The following BEST3 variants were observed in gnomAD, a reference collection of about 807,000 sequenced individuals.
The protein encoded by BEST3 is bestrophin 3.
Under a neutral mutation model 47.1 loss-of-function variants are expected in BEST3, and 50 were observed. The observed-to-expected ratio is 1.06, with a 90% CI of 0.85 to 1.34. The LOEUF is 1.34. Among genes scored for constraint, BEST3 ranks in the 40% most tolerant of loss-of-function variants. The pLI, the probability that BEST3 is intolerant of heterozygous loss-of-function variation, is 0.00. For synonymous variants in BEST3, 282 were observed against 298.8 expected, an observed-to-expected ratio of 0.94 and a Z score of 0.58; for missense variants, 765 against 817.0, an observed-to-expected ratio of 0.94 and a Z score of 0.78.
intron 4 of BEST3, among the ~76,000 whole-genome samples, chr12:69,686,126 T>C (rs1885564748): frequency 6.9e-6 from 1 of 145,350 alleles, no homozygotes; most frequent in Admixed American, 7.0e-5. Context: ...CTCACTCTTG[T>C]AACACAAGGC....
intron 9 of BEST3, among the ~76,000 whole-genome samples, chr12:69,657,929 A>G (rs1259080373): frequency 6.6e-6 from 1 of 152,136 alleles, no homozygotes; most frequent in Non-Finnish European, 1.5e-5. Context: ...AGATTCTATT[A>G]CATCGACTTG....
chr12:69,654,599 T>C lies in BEST3; in HGVS notation c.*308A>G, dbSNP rs188706095. 2.8e-6 allele frequency: 3 copies of C among 1,081,820 alleles called. No homozygotes were observed. The East Asian group carries it at 1.8e-4, about 65-fold the overall frequency. The allele number at this position is 1,081,820 out of a possible 1,614,324, so 67.0% of individuals were successfully genotyped here. On this transcript the variant is annotated 3_prime_UTR_variant, in exon 10 of 10. Transcript: ENST00000330891. ...GAGACTCTTTCCACAACTAATAATC[T>C]ATGAATTTATAAGTCATGTATGTTT...
At chr12:69,668,095 C>A (rs146912976) in intron 9 of BEST3, among the ~76,000 whole-genome samples, 1 of 152,136 alleles carries the variant, frequency 6.6e-6, no homozygotes, top group African/African-American at 2.4e-5. Context: ...ATGTGAACAG[C>A]GCTGTTGAAT....
chr12:69,672,362 C>G (rs1174669032), intron 8 of BEST3, among the ~76,000 whole-genome samples: 1 of 152,210 alleles, frequency 6.6e-6, no homozygotes. Flanking sequence ...ATGAAAAGCT[C>G]TCTGGAATAG....
chr12:69,676,678 G>C (rs558147320), intron 7 of BEST3, among the ~76,000 whole-genome samples: 1 of 152,314 alleles, frequency 6.6e-6, no homozygotes, highest in South Asian at 2.1e-4. Context: ...AGACTTAAAA[G>C]AGAATCAATA....
intron 9 of BEST3, among the ~76,000 whole-genome samples, chr12:69,657,345 C>A (rs971409212): frequency 6.6e-6 from 1 of 152,164 alleles, no homozygotes; most frequent in African/African-American, 2.4e-5. Context: ...ATCTGCCCAC[C>A]TTGCCCTCCC....
At chr12:69,646,994 T>C (rs1374133835) in intron 9 of BEST3, among the ~76,000 whole-genome samples, 2 of 152,144 alleles carry the variant, frequency 1.3e-5, no homozygotes, top group Non-Finnish European at 2.9e-5. Context: ...CATCCAAGCA[T>C]GGCAGCTGAT....
At chr12:69,697,913 G>T in intron 1 of BEST3, 100 bp from the exon 2 acceptor site, 1 of 884,616 alleles carries the variant, frequency 1.1e-6, no homozygotes, top group Non-Finnish European at 1.7e-6. Flanking sequence ...CCAGCAACTA[G>T]TCAGCCATAT....
In BEST3 at chr12:69,654,458, A is replaced by G. The variant is rs1883332848; in HGVS notation, c.*449T>C. The G allele has an allele frequency of 1.3e-5, 13 of 987,550 alleles. No homozygotes were observed. The highest frequency in any genetic ancestry group is 1.6e-5 in the Non-Finnish European group (13 of 831,384). 61.2% of individuals were successfully genotyped at this position (987,550 alleles called of 1,614,324 possible). A position where few individuals can be genotyped will look rare whatever the true frequency, so the allele number is the denominator to read the frequency against. ...GGAAGGAGGGGATCTTTCAGGCATTAGGTGATCCATCTCCTTTCTTTATGG... is the reference window on the plus strand; with the variant it reads ...GGAAGGAGGGGATCTTTCAGGCATTGGGTGATCCATCTCCTTTCTTTATGG... On this transcript the variant is annotated 3_prime_UTR_variant, in exon 10 of 10. Transcript: ENST00000330891.
chr12:69,651,930 C>T (rs751250961), downstream of BEST3, among the ~76,000 whole-genome samples: 2 of 152,070 alleles, frequency 1.3e-5, no homozygotes, highest in Non-Finnish European at 2.9e-5. Context: ...TTTCTCCATT[C>T]CATTTAAAAT....
At chr12:69,681,256 C>T (rs546752554) in intron 4 of BEST3, among the ~76,000 whole-genome samples, 142 of 152,148 alleles carry the variant, frequency 9.3e-4, no homozygotes, top group Middle Eastern at 3.4e-3. Flanking sequence ...AACTTTTGCC[C>T]TAATATAACA....
At position 69,660,468 on chromosome 12, in the gene BEST3, G is replaced by A. The variant is rs931722482; in HGVS notation, c.1101-4655C>T. On this transcript the variant is annotated intron_variant, in intron 9 of 9. Coordinates refer to ENST00000330891, the MANE Select transcript of BEST3 (RefSeq NM_032735.3). ...AAGCCATTTAATGATAGGGCACTGG[G>A]TGGGTGAAGAGGAAATATAAGAACT... 2.0e-5 allele frequency: 3 copies of A among 152,216 alleles called. No homozygotes were observed. The East Asian group carries it at 5.8e-4, about 29-fold the overall frequency. The allele number at this position is 152,216 out of a possible 1,614,324, so 9.4% of individuals were successfully genotyped here. A position where few individuals can be genotyped will look rare whatever the true frequency, so the allele number is the denominator to read the frequency against.
chr12:69,662,084 A>G (rs1296536715), intron 9 of BEST3, among the ~76,000 whole-genome samples: 1 of 152,234 alleles, frequency 6.6e-6, no homozygotes, highest in African/African-American at 2.4e-5. Context: ...ATACCATTTA[A>G]AGATGAAAAC....
chr12:69,687,209 C>T (rs1885665116), intron 4 of BEST3: 1 of 152,222 alleles, frequency 6.6e-6, no homozygotes, highest in African/African-American at 2.4e-5. Context: ...TTTATCTCAA[C>T]ATCCATTGAC....
intron 4 of BEST3, chr12:69,689,334 G>T: frequency 4.5e-6 from 4 of 879,754 alleles, no homozygotes; most frequent in Non-Finnish European, 5.5e-6. Flanking sequence ...GCGGGTGCCG[G>T]CCTGGGGCAG....
intron 9 of BEST3, among the ~76,000 whole-genome samples, chr12:69,645,094 T>C (rs1411668727): frequency 6.6e-6 from 1 of 152,164 alleles, no homozygotes; most frequent in Non-Finnish European, 1.5e-5. Context: ...TTGGTTTTTA[T>C]TTTTTCTGGT....
At chr12:69,685,997 A>G (rs1226782087) in intron 4 of BEST3, among the ~76,000 whole-genome samples, 2 of 152,166 alleles carry the variant, frequency 1.3e-5, no homozygotes, top group African/African-American at 2.4e-5. Flanking sequence ...ACAGGATGAC[A>G]TTCTGTCTGT....
downstream of BEST3, among the ~76,000 whole-genome samples, chr12:69,650,583 T>C (rs920661185): frequency 3.3e-5 from 5 of 152,188 alleles, no homozygotes; most frequent in African/African-American, 1.2e-4. Flanking sequence ...TTTTTACAGT[T>C]GTAGTTGTTC....
intron 4 of BEST3, among the ~76,000 whole-genome samples, chr12:69,682,387 G>A (rs2641544): frequency 0.7 from 106,185 of 151,390 alleles, 37,258 homozygotes; most frequent in South Asian, 0.81. Context: ...GATAACACTT[G>A]GGTTATTTAT....
Sources: allele counts gnomAD v4.1 joint callset (sites outside exome capture counted in the v4.1 genomes callset), GRCh38; gene constraint gnomAD v4.1.1; transcripts MANE v1.5; gene names NCBI Gene and HGNC (gene_info 2026-07-23, HGNC 2026-07-21).